ADARB2: variants seen among roughly 807,000 people sequenced by gnomAD.
The protein encoded by ADARB2 is adenosine deaminase RNA specific B2 (inactive), also known as inactive double-stranded RNA-specific editase B2.
A neutral mutation model predicts 62.2 loss-of-function variants in ADARB2; 25 were observed. That is an observed-to-expected ratio of 0.40 (90% confidence interval 0.29 to 0.56). The LOEUF (loss-of-function observed/expected upper bound fraction) is 0.56. Among genes scored for constraint, ADARB2 ranks in the 20% least tolerant of loss-of-function variants. The probability of loss-of-function intolerance (pLI) is 0.43; values close to 1 mark genes in which losing one functional copy is unlikely to be tolerated. For synonymous variants in ADARB2, 572 were observed against 500.8 expected (o/e 1.14, Z -1.90); for missense variants, 1,071 against 1,077.4 (o/e 0.99, Z 0.08).
Position 1,603,332 on chromosome 10 carries a change from G to A in ADARB2, c.100+133719C>T, listed in dbSNP as rs768938344. Among the ~76,000 whole-genome samples the A allele has an allele frequency of 2.0e-5, 3 of 152,232 alleles. No homozygotes were observed. In the East Asian group the frequency reaches 5.8e-4, roughly 29 times the overall value. On this transcript the variant is annotated intron_variant, in intron 1 of 9. Transcript: ENST00000381312. ...CCTGGTGCCGCATTGACAAGGGCCA[G>A]GAAGCAGCACCGGCTTGGAGCCCGA...
intron 1 of ADARB2, among the ~76,000 whole-genome samples, chr10:1,383,888 G>A (rs1168497324): frequency 3.3e-5 from 5 of 152,180 alleles, no homozygotes; most frequent in Non-Finnish European, 7.3e-5. Flanking sequence ...GTTTATCCTT[G>A]TAGTGGCTGC....
chr10:1,588,792 C>A (rs1160264873), intron 1 of ADARB2, among the ~76,000 whole-genome samples: 1 of 152,114 alleles, frequency 6.6e-6, no homozygotes, highest in Non-Finnish European at 1.5e-5. Context: ...GACACAAATT[C>A]ATGAGAAAAA....
intron 1 of ADARB2, among the ~76,000 whole-genome samples, chr10:1,696,308 A>G (rs1428397534): frequency 1.3e-5 from 2 of 151,906 alleles, no homozygotes; most frequent in African/African-American, 2.4e-5. Context: ...TTGCGTTTAT[A>G]TGTGTGCACG....
rs1490198089 is a variant in ADARB2, at chr10:1,246,165, A to G, written c.1193-3866T>C. ...TGAGAAGTGTCTGTTCATATCCTTC[A>G]CCCACTTTTTCATGGGGTTGTTTGA... On this transcript the variant is annotated intron_variant, in intron 4 of 9. Coordinates refer to ENST00000381312, the MANE Select transcript of ADARB2 (RefSeq NM_018702.4). Among the ~76,000 whole-genome samples, 3 of 151,764 alleles carry G rather than the reference A, an allele frequency of 2.0e-5. No individual in the cohort carries two copies. The East Asian group carries it at 5.8e-4, about 29-fold the overall frequency.
At chr10:1,510,615 T>C (rs1397373850) in intron 1 of ADARB2, among the ~76,000 whole-genome samples, 1 of 152,244 alleles carries the variant, frequency 6.6e-6, no homozygotes, top group Non-Finnish European at 1.5e-5. Flanking sequence ...GAATTTCATA[T>C]GCATACATCT....
intron 1 of ADARB2, among the ~76,000 whole-genome samples, chr10:1,465,815 C>A (rs1262835440): frequency 6.6e-6 from 1 of 152,230 alleles, no homozygotes; most frequent in Non-Finnish European, 1.5e-5. Flanking sequence ...GTGGGGCCCC[C>A]AGAGCTAGAG....
intron 3 of ADARB2, chr10:1,291,395 G>A (rs2387639): frequency 0.6 from 91,583 of 152,152 alleles, 28,408 homozygotes; most frequent in East Asian, 0.95. Flanking sequence ...CCTGGGTGCC[G>A]CTGCTGAGCA....
At chr10:1,736,878 C>T (rs1169937362) in intron 1 of ADARB2, among the ~76,000 whole-genome samples, 173 bp downstream of exon 1, 1 of 152,228 alleles carries the variant, frequency 6.6e-6, no homozygotes, top group African/African-American at 2.4e-5. Context: ...GAGGAGGCCC[C>T]AGACATTTCC....
chr10:1,308,402 T>C (rs12571019), intron 3 of ADARB2, among the ~76,000 whole-genome samples: 3,972 of 152,340 alleles, frequency 0.026, 123 homozygotes, highest in East Asian at 0.11. Context: ...ACTGGCTTAC[T>C]GAAGGGCGTT....
rs536164970 is a variant in ADARB2, at chr10:1,330,167, C to T, written c.1077+32861G>A. On this transcript the variant is annotated intron_variant, in intron 3 of 9. Transcript: ENST00000381312. Reference sequence around the variant, plus strand: ...TTCCCAAGGAGGGCTGAGTCAGGGTCGATTCAGCCATGGGCCGTCCTAGGG... The same window carrying T: ...TTCCCAAGGAGGGCTGAGTCAGGGTTGATTCAGCCATGGGCCGTCCTAGGG... 4.6e-5 allele frequency among the ~76,000 whole-genome samples: 7 copies of T among 152,108 alleles called. No homozygotes were observed. In the South Asian group the frequency reaches 1.2e-3, roughly 27 times the overall value.
chr10:1,388,875 T>G (rs1832545998), intron 1 of ADARB2, among the ~76,000 whole-genome samples: 1 of 152,168 alleles, frequency 6.6e-6, no homozygotes, highest in South Asian at 2.1e-4. Flanking sequence ...TATATGGAAA[T>G]GCAAAAGACC....
chr10:1,447,887 C>T (rs572092654), intron 1 of ADARB2, among the ~76,000 whole-genome samples: 10 of 152,136 alleles, frequency 6.6e-5, no homozygotes, highest in African/African-American at 2.2e-4. Flanking sequence ...GCTTCACCCA[C>T]GTTGCTGCAA....
chr10:1,510,125 T>TTTCTTTCTTTCTTTCC (rs1564312567), intron 1 of ADARB2, among the ~76,000 whole-genome samples: 41 of 129,948 alleles, frequency 3.2e-4, no homozygotes, highest in Non-Finnish European at 1.9e-4. Flanking sequence ...TCTTTCTTTC[T>TTTCTTTCTTTCTTTCC]TTCTTTCTTT....
intron 4 of ADARB2, 123 bp downstream of exon 4, chr10:1,270,832 T>C: frequency 2.5e-6 from 2 of 800,622 alleles, no homozygotes; most frequent in Non-Finnish European, 4.1e-6. Context: ...GCTATAATAT[T>C]TTGTCTTTCT....
chr10:1,264,625 C>T (rs1831176624), intron 4 of ADARB2, among the ~76,000 whole-genome samples: 1 of 152,182 alleles, frequency 6.6e-6, no homozygotes, highest in East Asian at 1.9e-4. Flanking sequence ...AGGTTCAAAG[C>T]CAAGCATATG....
intron 1 of ADARB2, among the ~76,000 whole-genome samples, chr10:1,380,102 CA>C (rs1366075326): frequency 1.3e-5 from 2 of 152,360 alleles, no homozygotes; most frequent in African/African-American, 4.8e-5. Flanking sequence ...GAACTCACTG[CA>C]CTGCAGAGGA....
chr10:1,358,994 C>T lies in ADARB2; in HGVS notation c.1077+4034G>A, dbSNP rs569228438. 6.6e-5 allele frequency among the ~76,000 whole-genome samples: 10 copies of T among 152,198 alleles called. No homozygotes were observed. The South Asian group carries it at 1.9e-3, about 28-fold the overall frequency. On this transcript the variant is annotated intron_variant, in intron 3 of 9. Coordinates refer to ENST00000381312, the MANE Select transcript of ADARB2 (RefSeq NM_018702.4). ...GCTGAAAAGCATTCCTTTATGGTTG[C>T]GTTTTTGCTTAGGAATTCTTTTGAT... is the stretch of plus-strand genomic sequence containing the variant.
At chr10:1,382,437 G>T (rs903071081) in intron 1 of ADARB2, among the ~76,000 whole-genome samples, 4 of 152,192 alleles carry the variant, frequency 2.6e-5, no homozygotes, top group African/African-American at 9.6e-5. Flanking sequence ...CCAAGAAAGG[G>T]CAGACCGCAT....
intron 3 of ADARB2, among the ~76,000 whole-genome samples, chr10:1,271,832 T>G (rs1831266326): frequency 6.6e-6 from 1 of 152,190 alleles, no homozygotes; most frequent in Non-Finnish European, 1.5e-5. Flanking sequence ...AAGCTTTTCT[T>G]CGGGGGCAGT....
Sources: gnomAD v4.1 joint callset for allele counts (sites outside exome capture counted in the v4.1 genomes callset) on GRCh38, gnomAD v4.1.1 for gene constraint, MANE v1.5 for transcripts, NCBI Gene and HGNC (gene_info 2026-07-23, HGNC 2026-07-21) for gene names.